The following EVI5 variants were observed in gnomAD, a reference collection of about 807,000 sequenced individuals.
EVI5 encodes the protein ecotropic viral integration site 5 protein homolog.
EVI5 carries 73 observed loss-of-function variants against 112.0 expected under a neutral mutation model. That is an observed-to-expected ratio of 0.65 (90% CI 0.54 to 0.79). The LOEUF (loss-of-function observed/expected upper bound fraction) is 0.79. Among genes scored for constraint, EVI5 ranks in the 30% least tolerant of loss-of-function variants. The pLI, the probability that EVI5 is intolerant of heterozygous loss-of-function variation, is 0.00. For missense variants in EVI5, 900 were observed against 968.8 expected, an observed-to-expected ratio of 0.93 and a Z score of 0.94; for synonymous variants, 305 against 319.9, an observed-to-expected ratio of 0.95 and a Z score of 0.50.
intron 1 of EVI5, among the ~76,000 whole-genome samples, chr1:92,767,780 CAAAT>C (rs968551197): frequency 6.6e-6 from 1 of 152,104 alleles, no homozygotes; most frequent in Admixed American, 6.6e-5. Context: ...TATACAGACT[CAAAT>C]AAGCAGATTT....
chr1:92,782,385 T>A (rs1684980380), intron 1 of EVI5, among the ~76,000 whole-genome samples: 1 of 151,548 alleles, frequency 6.6e-6, no homozygotes, highest in African/African-American at 2.4e-5. Flanking sequence ...TACATATATA[T>A]CCTAGAAAGG....
intron 18 of EVI5, among the ~76,000 whole-genome samples, chr1:92,576,669 A>G (rs1402375934): frequency 6.6e-6 from 1 of 152,194 alleles, no homozygotes; most frequent in Non-Finnish European, 1.5e-5. Context: ...ATTTTTACAT[A>G]CAAATTTACC....
At chr1:92,708,623 A>G (rs1328027254) in intron 2 of EVI5, among the ~76,000 whole-genome samples, 1 of 152,140 alleles carries the variant, frequency 6.6e-6, no homozygotes, top group African/African-American at 2.4e-5. Context: ...GTATATATCC[A>G]AAAGAAATGA....
rs527392669 is a variant in EVI5 at position 92,550,620 on chromosome 1, G to A, written c.2166+13022C>T. Among the ~76,000 whole-genome samples, 588 of 147,778 alleles carry A rather than the reference G, an allele frequency of 4.0e-3. 4 individuals carry two copies. Among genetic ancestry groups the A allele is most frequent in the African/African-American group, 0.014 (564 of 40,372 alleles). On this transcript the variant is annotated intron_variant, in intron 19 of 19. Transcript: ENST00000684568. ...AAATTAGCCAGGCATAGTGGTGGGCGCCTGTAGTCCCAGCTACTTGGGAGG... is the reference window on the plus strand; with the variant it reads ...AAATTAGCCAGGCATAGTGGTGGGCACCTGTAGTCCCAGCTACTTGGGAGG...
At chr1:92,556,065 CTTT>C (rs771124421) in intron 19 of EVI5, among the ~76,000 whole-genome samples, 1 of 140,882 alleles carries the variant, frequency 7.1e-6, no homozygotes, top group Non-Finnish European at 1.6e-5. Flanking sequence ...TTCTTTCTTT[CTTT>C]TTTTTTTTTT....
At chr1:92,684,686 C>T (rs1384890645) in intron 9 of EVI5, among the ~76,000 whole-genome samples, 2 of 150,658 alleles carry the variant, frequency 1.3e-5, no homozygotes, top group Non-Finnish European at 3.0e-5. Flanking sequence ...CACATAGGCT[C>T]AAAGTAAAGG....
At chr1:92,655,198 GAA>G (rs559900238) in intron 13 of EVI5, among the ~76,000 whole-genome samples, 4 of 143,418 alleles carry the variant, frequency 2.8e-5, no homozygotes, top group Non-Finnish European at 6.1e-5. Context: ...CAACATGAAG[GAA>G]AAAAAAAAAT....
rs1669980724 is a variant in EVI5, at chr1:92,694,343, T to G, written c.955A>C (p.Asn319His). The G allele has an allele frequency of 6.2e-7, 1 of 1,607,146 alleles. No individual in the cohort carries two copies. Among genetic ancestry groups the G allele is most frequent in the Non-Finnish European group, 8.5e-7 (1 of 1,174,754 alleles). ...FRVGLALLQM[N>H]QAELMQLDME... ...TCAAGTTGCATCAGTTCTGCCTGAT[T>G]CATCTGAAGAAGTGCTAATCCTACA... The change falls in exon 8 of 20, where the codon AAT becomes CAT. Residue 319 changes from asparagine (N) to histidine (H), a missense_variant. By Grantham distance (68) the Asn-to-His change is moderately conservative. Transcript: ENST00000684568.
chr1:92,718,112 C>T (rs919435744), intron 2 of EVI5, among the ~76,000 whole-genome samples: 26 of 152,200 alleles, frequency 1.7e-4, no homozygotes, highest in Non-Finnish European at 3.7e-4. Flanking sequence ...TAACACCCCA[C>T]TGTCAATATT....
intron 13 of EVI5, among the ~76,000 whole-genome samples, chr1:92,639,098 G>A (rs4294422): frequency 0.72 from 109,165 of 151,980 alleles, 39,999 homozygotes; most frequent in East Asian, 0.94. Flanking sequence ...AATGACAGAT[G>A]ACTTCTCTAT....
intron 2 of EVI5, among the ~76,000 whole-genome samples, chr1:92,716,230 A>C (rs767225388): frequency 7.9e-5 from 12 of 152,100 alleles, no homozygotes; most frequent in Non-Finnish European, 1.8e-4. Context: ...GACACCTCAT[A>C]CAGGCAGGTG....
intron 1 of EVI5, among the ~76,000 whole-genome samples, chr1:92,753,852 C>G (rs1387391378): frequency 1.3e-5 from 2 of 152,184 alleles, no homozygotes; most frequent in Non-Finnish European, 2.9e-5. Context: ...AGTACTGTCT[C>G]TTGCTACATA....
At chr1:92,600,535 T>C (rs1377106910) in intron 18 of EVI5, among the ~76,000 whole-genome samples, 5 of 152,164 alleles carry the variant, frequency 3.3e-5, no homozygotes, top group Non-Finnish European at 7.4e-5. Flanking sequence ...CAATTAGTGG[T>C]CCCCAACCTT....
intron 11 of EVI5, among the ~76,000 whole-genome samples, chr1:92,663,891 G>A (rs967783233): frequency 5.9e-5 from 9 of 152,270 alleles, no homozygotes; most frequent in African/African-American, 2.2e-4. Context: ...AGGACTACAG[G>A]TGTGTGCCAC....
chr1:92,770,708 T>C (rs1683282051), intron 1 of EVI5, among the ~76,000 whole-genome samples: 1 of 151,442 alleles, frequency 6.6e-6, no homozygotes, highest in African/African-American at 2.4e-5. Flanking sequence ...GAGAATGGTG[T>C]GAACCCGGGA....
intron 1 of EVI5, among the ~76,000 whole-genome samples, chr1:92,766,312 T>C (rs1189667562): frequency 1.3e-5 from 2 of 151,638 alleles, no homozygotes; most frequent in African/African-American, 2.4e-5. Flanking sequence ...TTTTGTTTTT[T>C]TAAAAAAAGG....
At chr1:92,732,666 TGAG>T (rs905804407) in intron 2 of EVI5, 1 of 154,694 alleles carries the variant, frequency 6.5e-6, no homozygotes, top group African/African-American at 2.4e-5. Context: ...TTTGGGAGGC[TGAG>T]GAGGGCGGAT....
At chr1:92,594,506 G>T (rs1257489751) in intron 18 of EVI5, among the ~76,000 whole-genome samples, 2 of 150,530 alleles carry the variant, frequency 1.3e-5, no homozygotes, top group East Asian at 3.9e-4. Flanking sequence ...ATAGGCATGG[G>T]CAAGGACTTC....
intron 2 of EVI5, among the ~76,000 whole-genome samples, chr1:92,705,922 T>C (rs1051550714): frequency 1.3e-5 from 2 of 152,208 alleles, no homozygotes; most frequent in African/African-American, 4.8e-5. Context: ...ATGCTACTCA[T>C]CTTTATATCC....
Sources: allele counts gnomAD v4.1 joint callset (sites outside exome capture counted in the v4.1 genomes callset), GRCh38; gene constraint gnomAD v4.1.1; transcripts MANE v1.5; gene names NCBI Gene and HGNC (gene_info 2026-07-23, HGNC 2026-07-21).